HIP1R: variants seen among roughly 807,000 people sequenced by gnomAD.
HIP1R encodes the protein huntingtin-interacting protein 1-related protein.
Under a neutral mutation model 144.2 loss-of-function variants are expected in HIP1R, and 135 were observed. The ratio of observed to expected loss-of-function variants is 0.94; its 90% confidence interval spans 0.81 to 1.08. The LOEUF (loss-of-function observed/expected upper bound fraction) is 1.08, where lower values mean the gene tolerates loss of function less well. Ranked by LOEUF, HIP1R falls within the 50% of genes least tolerant of loss-of-function variation. The pLI is 0.00. For synonymous variants in HIP1R, 698 were observed against 612.8 expected (o/e 1.14, Z -2.05); for missense variants, 1,462 against 1,432.8 (o/e 1.02, Z -0.33).
chr12:122,851,322 G>A (rs1354029539), intron 7 of HIP1R, 25 bp downstream of exon 7: 7 of 1,515,230 alleles, frequency 4.6e-6, no homozygotes, highest in Non-Finnish European at 6.1e-6. Context: ...GGGGATGCGG[G>A]GGTCTGAGTG....
intron 1 of HIP1R, among the ~76,000 whole-genome samples, chr12:122,844,242 C>T (rs1010927069): frequency 1.3e-5 from 2 of 152,196 alleles, no homozygotes; most frequent in Non-Finnish European, 2.9e-5. Context: ...GGACCCAAGC[C>T]ATTCTCAGCC....
At chr12:122,853,307 G>GGGCAAGCGA (rs2033456130) in intron 7 of HIP1R, among the ~76,000 whole-genome samples, 2 of 22,354 alleles carry the variant, frequency 8.9e-5, no homozygotes, top group Non-Finnish European at 2.1e-4. Flanking sequence ...CGGGCCCTGG[G>GGGCAAGCGA]GGTGTCAGGG....
chr12:122,860,899 G>A lies in HIP1R; in HGVS notation c.2767-17G>A. The A allele has an allele frequency of 6.2e-7, 1 of 1,606,036 alleles. No homozygotes were observed. Among genetic ancestry groups the A allele is most frequent in the Non-Finnish European group, 8.5e-7 (1 of 1,176,698 alleles). On this transcript the variant is annotated splice_polypyrimidine_tract_variant and intron_variant, in intron 28 of 31. Coordinates refer to ENST00000253083, the MANE Select transcript of HIP1R (RefSeq NM_003959.3). ...GAGCTGGGAGACCTGGGCCCACCCT[G>A]ACCTCTCGCCCCTCAGGTGAAGGCC...
In HIP1R at chr12:122,850,189, C is replaced by A. The variant is rs903852663; in HGVS notation, c.438+234C>A. 6.1e-6 allele frequency: 4 copies of A among 658,626 alleles called. No individual in the cohort carries two copies. The African/African-American group carries it at 7.1e-5, about 12-fold the overall frequency. The allele number at this position is 658,626 out of a possible 1,614,324, so 40.8% of individuals were successfully genotyped here. On this transcript the variant is annotated intron_variant, in intron 5 of 31. Coordinates refer to ENST00000253083, the MANE Select transcript of HIP1R (RefSeq NM_003959.3). Reference sequence around the variant, plus strand: ...TGGGCACGGGCTTCCCCAGGCGTTTCTGTGGACATGAGCGCTGGGCTTCCT... The same window carrying A: ...TGGGCACGGGCTTCCCCAGGCGTTTATGTGGACATGAGCGCTGGGCTTCCT...
Position 122,861,505 on chromosome 12 carries a change from G to T in HIP1R, c.3150G>T (p.Gln1050His). 1 of 1,611,026 alleles carries T rather than the reference G, an allele frequency of 6.2e-7. No individual in the cohort carries two copies. ...AGAAGCCCAGCGTGGCCCCCAGACA[G>T]GACCACCAGGTGCCGTCTGCACTGG... is the stretch of plus-strand genomic sequence containing the variant. Reference protein sequence around the residue: ...LAQKPSVAPRQDHQLDKKDGI... With the variant: ...LAQKPSVAPRHDHQLDKKDGI... The change falls in exon 31 of 32, where the codon CAG (glutamine) becomes CAT (histidine). Residue 1050 changes from glutamine to histidine, a missense_variant. This residue lies in a region of HIP1R where 1,112 missense variants were observed against 1,011.7 expected (regional missense o/e 1.10). Coordinates refer to ENST00000253083, the MANE Select transcript of HIP1R (RefSeq NM_003959.3).
At chr12:122,849,091 C>G (rs2033298202) in intron 4 of HIP1R, among the ~76,000 whole-genome samples, 1 of 152,218 alleles carries the variant, frequency 6.6e-6, no homozygotes, top group Non-Finnish European at 1.5e-5. Flanking sequence ...CTTTAGTCCT[C>G]ACGAGTTGGG....
intron 30 of HIP1R, 40 bp downstream of exon 30, chr12:122,861,232 C>T (rs781414964): frequency 1.5e-5 from 25 of 1,613,174 alleles, no homozygotes; most frequent in Non-Finnish European, 2.1e-5. Flanking sequence ...TGAGCTCATC[C>T]CTCGGGCGAA....
chr12:122,839,768 C>A (rs1397285738), intron 1 of HIP1R, among the ~76,000 whole-genome samples: 1 of 152,178 alleles, frequency 6.6e-6, no homozygotes, highest in Non-Finnish European at 1.5e-5. Flanking sequence ...ATGTAATTGC[C>A]ACAAAAATTA....
intron 7 of HIP1R, among the ~76,000 whole-genome samples, chr12:122,851,567 G>C (rs1321971438): frequency 6.6e-6 from 1 of 152,098 alleles, no homozygotes; most frequent in African/African-American, 2.4e-5. Context: ...AGGCGTGGTG[G>C]CGCACGCCTG....
At chr12:122,854,255 G>C in intron 8 of HIP1R, 72 bp downstream of exon 8, 18 of 1,281,082 alleles carry the variant, frequency 1.4e-5, no homozygotes, top group Non-Finnish European at 1.8e-5. Flanking sequence ...TGTCAAAAAG[G>C]AAAATCGAAA....
rs1167604044 is a variant in HIP1R, at chr12:122,860,210, G to C, written c.2559G>C (p.Arg853Ser). 1 of 1,558,874 alleles carries C rather than the reference G, an allele frequency of 6.4e-7. No individual in the cohort carries two copies. Among genetic ancestry groups the C allele is most frequent in the Admixed American group, 1.9e-5 (1 of 52,122 alleles). Residue 853 changes from arginine (R) to serine (S), a missense_variant and splice_region_variant, in exon 26 of 32, where the codon AGG (arginine) becomes AGC (serine). Coordinates refer to ENST00000253083, the MANE Select transcript of HIP1R (RefSeq NM_003959.3). ...AGAAGGAGATCGTGGAGAGCGGCAG[G>C]GTGAGGGGCCGGCGGCAGCAGGGCA... ...SLQKEIVESG[R>S]GAATQQEFYA...
intron 1 of HIP1R, among the ~76,000 whole-genome samples, chr12:122,844,102 G>A (rs993665517): frequency 5.3e-5 from 8 of 152,144 alleles, no homozygotes; most frequent in African/African-American, 1.9e-4. Flanking sequence ...GTCTCCCAAA[G>A]TGCTGGGATT....
rs1340143815 is a variant in HIP1R, at chr12:122,861,441, C to T, written c.3086C>T (p.Ala1029Val). 1.9e-6 allele frequency: 3 copies of T among 1,613,464 alleles called. No individual in the cohort carries two copies. Among genetic ancestry groups the T allele is most frequent in the African/African-American group, 1.3e-5 (1 of 75,024 alleles). ...GAGGTGGCCATCCGGCCCAGCACTGCCCCCCGAAGTGTAACCACCAAGAAA... is the reference window on the plus strand; with the variant it reads ...GAGGTGGCCATCCGGCCCAGCACTGTCCCCCGAAGTGTAACCACCAAGAAA... ...GEEVAIRPST[A>V]PRSVTTKKPP... The change falls in exon 31 of 32, where the codon GCC becomes GTC. Residue 1029 changes from alanine to valine, a missense_variant. Around this residue, in one of 2 missense-constraint regions of HIP1R, gnomAD observed 1,112 missense variants for 1,011.7 expected, o/e 1.10. Transcript: ENST00000253083.
chr12:122,834,845 C>A, upstream of HIP1R: 1 of 761,252 alleles, frequency 1.3e-6, no homozygotes, highest in African/African-American at 1.8e-5. Context: ...GCAGCTATGT[C>A]AGAATTGCAC....
At position 122,861,529 on chromosome 12, in the gene HIP1R, G is replaced by A. The variant is rs2135681579; in HGVS notation, c.3159+15G>A. 1.2e-6 allele frequency: 2 copies of A among 1,604,726 alleles called. No individual in the cohort carries two copies. Among genetic ancestry groups the A allele is most frequent in the South Asian group, 1.1e-5 (1 of 90,034 alleles). ...AGGACCACCAGGTGCCGTCTGCACT[G>A]GGATGGGGGAGTTCCTGGACGGGGG... On this transcript the variant is annotated intron_variant, in intron 31 of 31. Coordinates refer to ENST00000253083, the MANE Select transcript of HIP1R (RefSeq NM_003959.3).
intron 8 of HIP1R, 37 bp downstream of exon 8, chr12:122,854,220 G>A: frequency 6.3e-7 from 1 of 1,591,984 alleles, no homozygotes; most frequent in South Asian, 1.1e-5. Context: ...CCGGAAGGCT[G>A]TGTTTATATG....
At position 122,849,789 on chromosome 12, in the gene HIP1R, G is replaced by C. The variant is rs867415629; in HGVS notation, c.358-86G>C. The C allele has an allele frequency of 2.7e-5, 23 of 861,398 alleles. 1 individual carries two copies. Among genetic ancestry groups the C allele is most frequent in the Middle Eastern group, 4.9e-4 (2 of 4,058 alleles). The allele number at this position is 861,398 out of a possible 1,614,324, so 53.4% of individuals were successfully genotyped here. A position where few individuals can be genotyped will look rare whatever the true frequency, so the allele number is the denominator to read the frequency against. ...TTTGTTGAATGAAGAAGTGCCCGGT[G>C]GTGGGTCACTCTCGTGCCCAGGTCC... On this transcript the variant is annotated intron_variant, in intron 4 of 31. Transcript: ENST00000253083.
chr12:122,839,895 A>G (rs1015406107), intron 1 of HIP1R, among the ~76,000 whole-genome samples: 2 of 152,176 alleles, frequency 1.3e-5, no homozygotes, highest in Non-Finnish European at 2.9e-5. Context: ...CACAGCCCGC[A>G]CCGGCCAGCG....
chr12:122,854,333 A>ATTT, intron 8 of HIP1R, 150 bp downstream of exon 8: 1 of 270,942 alleles, frequency 3.7e-6, no homozygotes, highest in Non-Finnish European at 5.9e-6. Flanking sequence ...AATAACATAT[A>ATTT]TTTTATGAAA....
Sources: allele counts gnomAD v4.1 joint callset (sites outside exome capture counted in the v4.1 genomes callset), GRCh38; gene constraint gnomAD v4.1.1; regional missense constraint gnomAD v4.1.1; transcripts MANE v1.5; gene names NCBI Gene and HGNC (gene_info 2026-07-23, HGNC 2026-07-21).